The following NBPF19 variants were observed in gnomAD, a reference collection of about 807,000 sequenced individuals.
The protein encoded by NBPF19 is NBPF member 19, also known as NBPF family member NBPF19.
A neutral mutation model predicts 45.9 loss-of-function variants in NBPF19; 30 were observed. That is an observed-to-expected ratio of 0.65 (90% CI 0.49 to 0.89). The LOEUF (loss-of-function observed/expected upper bound fraction) is 0.89, where lower values mean the gene tolerates loss of function less well. Among genes scored for constraint, NBPF19 ranks in the 40% least tolerant of loss-of-function variants. The probability of loss-of-function intolerance (pLI) is 0.00; values close to 1 mark genes in which losing one functional copy is unlikely to be tolerated. For missense variants in NBPF19, 495 were observed against 471.8 expected (o/e 1.05, Z -0.46); for synonymous variants, 183 against 181.2 (o/e 1.01, Z -0.08).
At position 149,554,996 on chromosome 1, in the gene NBPF19, C is replaced by G. The variant is rs2087212954; in HGVS notation, c.*258C>G. On this transcript the variant is annotated 3_prime_UTR_variant, in exon 94 of 94. Coordinates refer to ENST00000651566, the MANE Select transcript of NBPF19 (RefSeq NM_001351365.2). ...GATCAGTCGGACATTTTAATTTGAA[C>G]CACGTATCTTTGGGTAGCTACAAAA... The G allele has an allele frequency of 9.4e-6, 6 of 636,722 alleles. No individual in the cohort carries two copies. Among genetic ancestry groups the G allele is most frequent in the Non-Finnish European group, 1.5e-5 (6 of 390,990 alleles). The allele number at this position is 636,722 out of a possible 1,614,324, so 39.4% of individuals were successfully genotyped here. A position where few individuals can be genotyped will look rare whatever the true frequency, so the allele number is the denominator to read the frequency against.
In NBPF19 at chr1:149,486,308, G is replaced by C. The variant is rs2085492171; in HGVS notation, c.988+15G>C. 6 of 601,670 alleles carry C rather than the reference G, an allele frequency of 1.0e-5. 1 individual carries two copies. The highest frequency in any genetic ancestry group is 1.5e-5 in the Non-Finnish European group (5 of 338,518). 37.3% of individuals were successfully genotyped at this position (601,670 alleles called of 1,614,324 possible). A position where few individuals can be genotyped will look rare whatever the true frequency, so the allele number is the denominator to read the frequency against. Reference sequence around the variant, plus strand: ...TGACATAGGCAGTGAGTACTCCATTGTGAAGGTGATAAAGCTCCAGTTCAT... The same window carrying C: ...TGACATAGGCAGTGAGTACTCCATTCTGAAGGTGATAAAGCTCCAGTTCAT... On this transcript the variant is annotated intron_variant, in intron 8 of 93. Coordinates refer to ENST00000651566, the MANE Select transcript of NBPF19 (RefSeq NM_001351365.2).
At chr1:149,486,426 A>G in intron 8 of NBPF19, 133 bp downstream of exon 8, 1 of 682,614 alleles carries the variant, frequency 1.5e-6, no homozygotes, top group Non-Finnish European at 2.7e-6. Context: ...ATCAATGTAG[A>G]TTTCAGTCAC....
intron 8 of NBPF19, among the ~76,000 whole-genome samples, chr1:149,486,642 G>C (rs1455047900): frequency 2.0e-5 from 3 of 151,450 alleles, no homozygotes; most frequent in African/African-American, 7.3e-5. Flanking sequence ...TCTTTTGCCA[G>C]CTACAAAATT....
chr1:149,494,125 C>A (rs1381264549), intron 17 of NBPF19, among the ~76,000 whole-genome samples, 193 bp from the exon 18 acceptor site: 1 of 133,130 alleles, frequency 7.5e-6, no homozygotes, highest in African/African-American at 3.3e-5. Context: ...TCTCCCTCTC[C>A]CTGTCTTTCT....
Position 149,554,375 on chromosome 1 carries a change from A to T in NBPF19, c.11289-120A>T, listed in dbSNP as rs1242783345. 18 of 1,580,618 alleles carry T rather than the reference A, an allele frequency of 1.1e-5. 1 individual carries two copies. The highest frequency in any genetic ancestry group is 3.5e-5 in the South Asian group (3 of 86,408). ...GGCAATAAATTTTTTTTTTTACCTC[A>T]TTAATGGATCTATCCTTTTTCTTTT... On this transcript the variant is annotated intron_variant, in intron 93 of 93. Coordinates refer to ENST00000651566, the MANE Select transcript of NBPF19 (RefSeq NM_001351365.2).
chr1:149,554,863 T>C lies in NBPF19; in HGVS notation c.*125T>C. 1.3e-6 allele frequency: 2 copies of C among 1,521,916 alleles called. 1 individual carries two copies. The highest frequency in any genetic ancestry group is 1.8e-6 in the Non-Finnish European group (2 of 1,120,218). The allele number at this position is 1,521,916 out of a possible 1,614,324, so 94.3% of individuals were successfully genotyped here. ...TAGGATGGGTCAGTGGGCATGGCTC[T>C]TTTCCTATTCTCAAACCATGCCAGT... On this transcript the variant is annotated 3_prime_UTR_variant, in exon 94 of 94. Transcript: ENST00000651566.
At chr1:149,490,848 A>G in intron 13 of NBPF19, among the ~76,000 whole-genome samples, 2 of 107,684 alleles carry the variant, frequency 1.9e-5, no homozygotes, top group East Asian at 3.2e-4. Flanking sequence ...TTACTCCCTC[A>G]TCAGTGTGTC....
At chr1:149,487,468 A>G in intron 9 of NBPF19, 85 bp downstream of exon 9, 1 of 969,428 alleles carries the variant, frequency 1.0e-6, no homozygotes, top group South Asian at 1.3e-5. Flanking sequence ...TGCTGAAAAT[A>G]ATGATTTTGT....
chr1:149,490,962 T>G (rs1406268422), intron 13 of NBPF19, among the ~76,000 whole-genome samples, 177 bp from the exon 14 acceptor site: 1 of 131,792 alleles, frequency 7.6e-6, no homozygotes, highest in Non-Finnish European at 1.6e-5. Flanking sequence ...GTCTCTTTCA[T>G]TCTTTTCCAT....
At chr1:149,554,204 A>G (rs1339060713) in intron 93 of NBPF19, among the ~76,000 whole-genome samples, 4 of 150,526 alleles carry the variant, frequency 2.7e-5, no homozygotes, top group African/African-American at 9.7e-5. Flanking sequence ...TGAGGGCACT[A>G]ACTCAGAGTG....
Position 149,486,223 on chromosome 1 carries a change from G to T in NBPF19, c.918G>T (p.Ser306=). ...TLSIPPEMLA[S]YQSYSSTFHS... Reference sequence around the variant, plus strand: ...CAATTCCTCCTGAAATGTTGGCCTCGTACCAGTCTTACAGCAGCACATTTC... The same window carrying T: ...CAATTCCTCCTGAAATGTTGGCCTCTTACCAGTCTTACAGCAGCACATTTC... Residue 306 remains serine, a synonymous_variant, in exon 8 of 94, where the codon TCG becomes TCT. Coordinates refer to ENST00000651566, the MANE Select transcript of NBPF19 (RefSeq NM_001351365.2). 4 of 534,668 alleles carry T rather than the reference G, an allele frequency of 7.5e-6. No individual in the cohort carries two copies. The Admixed American group carries it at 1.4e-4, about 18-fold the overall frequency. The allele number at this position is 534,668 out of a possible 1,614,324, so 33.1% of individuals were successfully genotyped here. A position where few individuals can be genotyped will look rare whatever the true frequency, so the allele number is the denominator to read the frequency against.
At chr1:149,478,298 A>G (rs1204521102) in intron 3 of NBPF19, among the ~76,000 whole-genome samples, 1 of 151,218 alleles carries the variant, frequency 6.6e-6, no homozygotes, top group Non-Finnish European at 1.5e-5. Context: ...ACATAACACA[A>G]AATTCACCAA....
At position 149,488,348 on chromosome 1, in the gene NBPF19, C is replaced by G. The variant is rs1450398740; in HGVS notation, c.1213+163C>G. 3.5e-5 allele frequency among the ~76,000 whole-genome samples: 5 copies of G among 141,804 alleles called. No individual in the cohort carries two copies. In the Admixed American group the frequency reaches 3.6e-4, roughly 10 times the overall value. The allele number at this position is 141,804 out of a possible 152,430, so 93.0% of individuals were successfully genotyped here. ...GAAACTCTAGTTCCACTTGGCAGCC[C>G]AGACAAGGGATGGTTCAGTGAGCAA... On this transcript the variant is annotated intron_variant, in intron 10 of 93. Coordinates refer to ENST00000651566, the MANE Select transcript of NBPF19 (RefSeq NM_001351365.2).
chr1:149,479,599 TGTG>T (rs2085051167), intron 4 of NBPF19, among the ~76,000 whole-genome samples: 1 of 147,614 alleles, frequency 6.8e-6, no homozygotes, highest in South Asian at 2.2e-4. Flanking sequence ...CCCCTCTCCA[TGTG>T]GTGTTGGAGA....
intron 2 of NBPF19, among the ~76,000 whole-genome samples, chr1:149,477,517 G>C (rs2084915432): frequency 6.6e-6 from 1 of 151,024 alleles, no homozygotes; most frequent in Non-Finnish European, 1.5e-5. Flanking sequence ...ATTTGTCCTT[G>C]AAATACCCAG....
Position 149,491,147 on chromosome 1 carries a change from G to T in NBPF19, c.1499G>T (p.Arg500Met). 7.5e-6 allele frequency: 2 copies of T among 266,014 alleles called. No individual in the cohort carries two copies. Among genetic ancestry groups the T allele is most frequent in the South Asian group, 2.5e-5 (1 of 39,726 alleles). The allele number at this position is 266,014 out of a possible 1,614,324, so 16.5% of individuals were successfully genotyped here. Residue 500 changes from arginine (R) to methionine (M), a missense_variant, in exon 14 of 94, where the codon AGG becomes ATG. Arg to Met is a moderately conservative substitution (Grantham distance 91). Around this residue, in one of 8 missense-constraint regions of NBPF19, gnomAD observed 146 missense variants for 67.3 expected, o/e 2.17. Coordinates refer to ENST00000651566, the MANE Select transcript of NBPF19 (RefSeq NM_001351365.2). ...DQDPPCPRLS[R>M]ELVEVVEPEV... ...TTTTCCTCCTTTTCCAGGCTCAGCAGGGAGCTGGTGGAGGTAGTAGAGCCT... is the reference window on the plus strand; with the variant it reads ...TTTTCCTCCTTTTCCAGGCTCAGCATGGAGCTGGTGGAGGTAGTAGAGCCT...
At position 149,554,722 on chromosome 1, in the gene NBPF19, T is replaced by C; in HGVS notation, c.11516T>C (p.Val3839Ala). ...TSLHLVFQML[V>A]IFPQ ...CTCCATCTGGTGTTCCAGATGTTAGTCATATTCCCACAATAGGCAGCCCTT... is the reference window on the plus strand; with the variant it reads ...CTCCATCTGGTGTTCCAGATGTTAGCCATATTCCCACAATAGGCAGCCCTT... Residue 3839 changes from valine to alanine, a missense_variant, in exon 94 of 94, where the codon GTC becomes GCC. Physicochemically the swap from Val to Ala is moderately conservative, Grantham distance 64. Transcript: ENST00000651566. 1 of 1,608,204 alleles carries C rather than the reference T, an allele frequency of 6.2e-7. No homozygotes were observed. The highest frequency in any genetic ancestry group is 8.5e-7 in the Non-Finnish European group (1 of 1,176,674).
In NBPF19 at chr1:149,487,379, C is replaced by G. The variant is rs1298930143; in HGVS notation, c.1036C>G (p.Pro346Ala). The G allele has an allele frequency of 2.6e-6, 4 of 1,536,878 alleles. No individual in the cohort carries two copies. Among genetic ancestry groups the G allele is most frequent in the Non-Finnish European group, 2.7e-6 (3 of 1,123,466 alleles). ...VKKEDQEATG[P>A]RLSRELLDEK... The stretch of plus-strand genomic sequence containing the variant: ...AAAGGAGGACCAAGAGGCAACAGGT[C>G]CCAGGTGAGTCTGAGAAATTGTGGA... Residue 346 changes from proline (P) to alanine (A), a missense_variant, in exon 9 of 94, where the codon CCC becomes GCC. By Grantham distance (27) the Pro-to-Ala change is conservative (BLOSUM62 -1). Coordinates refer to ENST00000651566, the MANE Select transcript of NBPF19 (RefSeq NM_001351365.2).
At chr1:149,479,215 A>G (rs1310937091) in intron 4 of NBPF19, 121 bp downstream of exon 4, 15 of 1,382,852 alleles carry the variant, frequency 1.1e-5, no homozygotes, top group Admixed American at 3.6e-5. Context: ...CTATGTGGCC[A>G]TGACATGATC....
Sources: allele counts gnomAD v4.1 joint callset (sites outside exome capture counted in the v4.1 genomes callset), GRCh38; gene constraint gnomAD v4.1.1; regional missense constraint gnomAD v4.1.1; transcripts MANE v1.5; gene names NCBI Gene and HGNC (gene_info 2026-07-23, HGNC 2026-07-21).